EXOC4: variants seen among roughly 807,000 people sequenced by gnomAD.
EXOC4 encodes SEC8-like 1.
A neutral mutation model predicts 107.2 loss-of-function variants in EXOC4; 71 were observed. The ratio of observed to expected loss-of-function variants is 0.66; its 90% CI spans 0.55 to 0.81. The LOEUF is 0.81. EXOC4 is among the 30% of genes least tolerant of loss of function. EXOC4 has a pLI of 0.00. For synonymous variants in EXOC4, 456 were observed against 441.2 expected, an observed-to-expected ratio of 1.03 and a Z score of -0.42; for missense variants, 1,108 against 1,189.6, an observed-to-expected ratio of 0.93 and a Z score of 1.01.
intron 10 of EXOC4, among the ~76,000 whole-genome samples, chr7:133,735,625 T>A (rs1226593347): frequency 6.6e-6 from 1 of 152,186 alleles, no homozygotes; most frequent in African/African-American, 2.4e-5. Flanking sequence ...AATCTCTTTT[T>A]ATCTTTCTCT....
chr7:133,696,166 A>G (rs1794529449), intron 10 of EXOC4, among the ~76,000 whole-genome samples: 1 of 152,186 alleles, frequency 6.6e-6, no homozygotes, highest in Non-Finnish European at 1.5e-5. Context: ...GGGAGCAGTC[A>G]TGTACTCTGT....
At chr7:134,004,385 A>G (rs1416709418) in intron 15 of EXOC4, among the ~76,000 whole-genome samples, 2 of 152,164 alleles carry the variant, frequency 1.3e-5, no homozygotes, top group Admixed American at 6.5e-5. Flanking sequence ...TTCGTGGATA[A>G]GGAACTGAGG....
chr7:133,929,084 C>T (rs1159647501), intron 13 of EXOC4, among the ~76,000 whole-genome samples: 1 of 151,914 alleles, frequency 6.6e-6, no homozygotes, highest in African/African-American at 2.4e-5. Context: ...AGGCACGCAC[C>T]GCCACACCCG....
intron 15 of EXOC4, among the ~76,000 whole-genome samples, chr7:134,000,129 C>T (rs943892899): frequency 6.6e-6 from 1 of 152,094 alleles, no homozygotes; most frequent in Non-Finnish European, 1.5e-5. Context: ...GGTTCCAACA[C>T]TCAGGTTGCT....
At chr7:133,680,289 C>A (rs1585074420) in intron 10 of EXOC4, among the ~76,000 whole-genome samples, 2 of 152,192 alleles carry the variant, frequency 1.3e-5, no homozygotes, top group East Asian at 3.9e-4. Flanking sequence ...CACTACAATT[C>A]TAAATTGAAA....
chr7:133,449,107 A>AAAAT (rs1798284080), intron 7 of EXOC4, among the ~76,000 whole-genome samples: 2 of 152,162 alleles, frequency 1.3e-5, no homozygotes, highest in Non-Finnish European at 2.9e-5. Flanking sequence ...CTCTGTCTCA[A>AAAAT]AAATAAATAA....
intron 12 of EXOC4, among the ~76,000 whole-genome samples, chr7:133,904,840 T>C (rs911337347): frequency 2.0e-5 from 3 of 152,200 alleles, no homozygotes; most frequent in African/African-American, 7.2e-5. Flanking sequence ...TTTCTTATTG[T>C]ATGACTCTGA....
intron 10 of EXOC4, among the ~76,000 whole-genome samples, chr7:133,793,321 A>G (rs1796743983): frequency 6.6e-6 from 1 of 152,080 alleles, no homozygotes; most frequent in Admixed American, 6.6e-5. Flanking sequence ...GCTACATTTG[A>G]GAATCTGATG....
intron 10 of EXOC4, among the ~76,000 whole-genome samples, chr7:133,661,672 TAAAAAA>T (rs1177627198): frequency 1.5e-4 from 2 of 13,450 alleles, no homozygotes; most frequent in African/African-American, 2.7e-4. Context: ...TCCTTAAAAC[TAAAAAA>T]AAAAAAAAAA....
chr7:133,638,037 G>A (rs1428527037), intron 10 of EXOC4, among the ~76,000 whole-genome samples: 3 of 151,914 alleles, frequency 2.0e-5, no homozygotes, highest in African/African-American at 4.8e-5. Flanking sequence ...TAGGGAAAAC[G>A]GGAAATGTTA....
intron 9 of EXOC4, among the ~76,000 whole-genome samples, chr7:133,526,552 A>G (rs1373549638): frequency 6.6e-6 from 1 of 152,236 alleles, no homozygotes; most frequent in Admixed American, 6.5e-5. Context: ...TTCTGAAGCC[A>G]GTGAATTTAT....
chr7:133,808,245 G>C (rs1402403474), intron 10 of EXOC4, among the ~76,000 whole-genome samples: 1 of 152,162 alleles, frequency 6.6e-6, no homozygotes, highest in African/African-American at 2.4e-5. Context: ...CTTGTTGGGA[G>C]AGAACCTCTT....
chr7:133,579,796 C>T (rs1323187781), intron 9 of EXOC4, among the ~76,000 whole-genome samples: 1 of 152,048 alleles, frequency 6.6e-6, no homozygotes. Context: ...AAGTGATCCT[C>T]CTGCTTCAGC....
chr7:133,744,970 T>C (rs997052861), intron 10 of EXOC4, among the ~76,000 whole-genome samples: 1 of 152,126 alleles, frequency 6.6e-6, no homozygotes, highest in African/African-American at 2.4e-5. Context: ...GCATTTGTGT[T>C]TTTTACTTAA....
intron 9 of EXOC4, among the ~76,000 whole-genome samples, chr7:133,607,060 TGGCAAG>T (rs1222277920): frequency 1.3e-5 from 2 of 152,220 alleles, no homozygotes; most frequent in Admixed American, 1.3e-4. Context: ...TTCCGAGTTT[TGGCAAG>T]CATCATTGTC....
the EXOC4 span, among the ~76,000 whole-genome samples, chr7:134,082,795 C>T: frequency 6.6e-6 from 1 of 152,156 alleles, no homozygotes; most frequent in Non-Finnish European, 1.5e-5. Flanking sequence ...TGCTGACCTC[C>T]TGTCTCATCC....
chr7:133,910,282 C>T (rs1264851068), intron 12 of EXOC4, among the ~76,000 whole-genome samples: 3 of 152,084 alleles, frequency 2.0e-5, no homozygotes, highest in African/African-American at 7.2e-5. Flanking sequence ...TTTTTTTCTT[C>T]TTGATCTTTT....
At chr7:133,710,442 C>T (rs1333985621) in intron 10 of EXOC4, among the ~76,000 whole-genome samples, 7 of 151,746 alleles carry the variant, frequency 4.6e-5, no homozygotes, top group Non-Finnish European at 7.4e-5. Context: ...GGGCGGATCA[C>T]GAGGTCAGGA....
intron 6 of EXOC4, among the ~76,000 whole-genome samples, chr7:133,368,142 T>A (rs73724551): frequency 0.044 from 6,696 of 152,284 alleles, 343 homozygotes; most frequent in African/African-American, 0.12. Flanking sequence ...AACCATAAAA[T>A]AGGGATTCTG....
Sources: gnomAD v4.1 joint callset for allele counts (sites outside exome capture counted in the v4.1 genomes callset) on GRCh38, gnomAD v4.1.1 for gene constraint, MANE v1.5 for transcripts, NCBI Gene and HGNC (gene_info 2026-07-23, HGNC 2026-07-21) for gene names.